The following FAM76B variants were observed in gnomAD, a reference collection of about 807,000 sequenced individuals.
FAM76B encodes the protein protein FAM76B.
In FAM76B, 16 loss-of-function variants were observed where a neutral mutation model predicts 51.8. The ratio of observed to expected loss-of-function variants is 0.31; its 90% CI spans 0.21 to 0.47. The LOEUF is 0.47. Ranked by LOEUF, FAM76B falls within the 20% of genes least tolerant of loss-of-function variation. The pLI is 1.00. For missense variants in FAM76B, 342 were observed against 392.6 expected (o/e 0.87, Z 1.09); for synonymous variants, 166 against 129.5 (o/e 1.28, Z -1.91).
chr11:95,789,124 C>T, intron 1 of FAM76B: 1 of 1,355,278 alleles, frequency 7.4e-7, no homozygotes, highest in East Asian at 2.6e-5. Context: ...CTCACTCAAC[C>T]CCACTCCTGA....
intron 9 of FAM76B, among the ~76,000 whole-genome samples, chr11:95,773,576 T>C (rs1859866110): frequency 6.6e-6 from 1 of 151,186 alleles, no homozygotes; most frequent in South Asian, 2.1e-4. Context: ...ACATAGATCC[T>C]GCTTTAAATC....
rs1308851084 is a variant in FAM76B, at chr11:95,779,011, G to C, written c.693-54C>G. ...AATGAAGTAGAAGGAAAATTAGCAG[G>C]TGTTCAAATTGCATAAATTAGACAA... On this transcript the variant is annotated intron_variant, in intron 7 of 9. Coordinates refer to ENST00000358780, the MANE Select transcript of FAM76B (RefSeq NM_144664.5). 5 of 1,599,104 alleles carry C rather than the reference G, an allele frequency of 3.1e-6. No homozygotes were observed. The Admixed American group carries it at 8.5e-5, about 27-fold the overall frequency.
At chr11:95,773,316 T>C (rs1223100417) in intron 9 of FAM76B, among the ~76,000 whole-genome samples, 1 of 151,016 alleles carries the variant, frequency 6.6e-6, no homozygotes, top group Admixed American at 6.6e-5. Flanking sequence ...CAAAAGTCTT[T>C]ATGGTAAATA....
At chr11:95,774,387 T>A (rs1001764086) in intron 9 of FAM76B, among the ~76,000 whole-genome samples, 2 of 151,436 alleles carry the variant, frequency 1.3e-5, no homozygotes, top group African/African-American at 4.8e-5. Flanking sequence ...GAGGTAGGCC[T>A]AAGATATCTA....
chr11:95,783,240 G>C lies in FAM76B; in HGVS notation c.388C>G (p.Leu130Val), dbSNP rs1860371396. The C allele has an allele frequency of 6.2e-7, 1 of 1,612,822 alleles. No homozygotes were observed. Among genetic ancestry groups the C allele is most frequent in the African/African-American group, 1.3e-5 (1 of 74,852 alleles). The change falls in exon 5 of 10, where the codon CTC becomes GTC. Residue 130 changes from leucine to valine, a missense_variant. Physicochemically the swap from Leu to Val is conservative, Grantham distance 32. This residue lies in a region of FAM76B where 230 missense variants were observed against 257.4 expected (regional missense o/e 0.89). Coordinates refer to ENST00000358780, the MANE Select transcript of FAM76B (RefSeq NM_144664.5). ...ACTCTTTTGTACGATAAAGTACAGA[G>C]CCAGCATAATAACTTTCCATCAACC... ...RKVDGKLLCW[L>V]CTLSYKRVLQ...
At chr11:95,786,528 T>C (rs1194852842) in intron 3 of FAM76B, 4 of 331,078 alleles carry the variant, frequency 1.2e-5, no homozygotes, top group East Asian at 5.1e-5. Flanking sequence ...CATAGTCTGT[T>C]AGATAATACA....
At chr11:95,784,080 G>T (rs1365434282) in intron 4 of FAM76B, among the ~76,000 whole-genome samples, 1 of 152,122 alleles carries the variant, frequency 6.6e-6, no homozygotes. Context: ...AACATGGTAC[G>T]TATATACCAT....
intron 5 of FAM76B, among the ~76,000 whole-genome samples, chr11:95,781,673 T>A (rs1860276929): frequency 6.6e-6 from 1 of 152,134 alleles, no homozygotes; most frequent in Non-Finnish European, 1.5e-5. Flanking sequence ...AGTCATTTTG[T>A]CATATTTTTT....
intron 9 of FAM76B, among the ~76,000 whole-genome samples, chr11:95,775,593 C>G (rs771236091): frequency 5.3e-5 from 8 of 151,310 alleles, no homozygotes; most frequent in Non-Finnish European, 1.0e-4. Context: ...ACCTGCTTTT[C>G]ACCTTAGTTT....
intron 4 of FAM76B, among the ~76,000 whole-genome samples, chr11:95,783,512 GAAGAAA>G (rs1410534952): frequency 2.0e-5 from 3 of 152,132 alleles, no homozygotes; most frequent in Admixed American, 1.3e-4. Context: ...TTTTTAATTT[GAAGAAA>G]AAGAAAATGT....
At chr11:95,783,028 G>A (rs1439465478) in intron 5 of FAM76B, 37 bp downstream of exon 5, 1 of 1,606,258 alleles carries the variant, frequency 6.2e-7, no homozygotes, top group South Asian at 1.1e-5. Context: ...TAAAATGCAA[G>A]GAAGAGTTTT....
intron 9 of FAM76B, 129 bp downstream of exon 9, chr11:95,775,793 T>C: frequency 2.1e-6 from 1 of 480,834 alleles, no homozygotes; most frequent in South Asian, 5.1e-5. Flanking sequence ...GATTATAAAG[T>C]CAAAATCAAA....
intron 9 of FAM76B, among the ~76,000 whole-genome samples, chr11:95,773,926 C>G (rs1859881929): frequency 6.6e-6 from 1 of 151,108 alleles, no homozygotes; most frequent in Non-Finnish European, 1.5e-5. Context: ...AGAGCAAGAT[C>G]CATCTTGTGT....
At chr11:95,774,262 A>G (rs1565284662) in intron 9 of FAM76B, among the ~76,000 whole-genome samples, 2 of 151,408 alleles carry the variant, frequency 1.3e-5, no homozygotes, top group Non-Finnish European at 3.0e-5. Context: ...TAAAATGGGC[A>G]TATCACATAA....
intron 9 of FAM76B, among the ~76,000 whole-genome samples, chr11:95,773,974 A>C (rs1859884772): frequency 6.6e-6 from 1 of 151,340 alleles, no homozygotes; most frequent in Admixed American, 6.6e-5. Flanking sequence ...AGATAAAAAA[A>C]AAATTACCGG....
At chr11:95,787,700 G>A (rs1156714907) in intron 2 of FAM76B, 22 bp from the exon 3 acceptor site, 3 of 1,573,400 alleles carry the variant, frequency 1.9e-6, no homozygotes, top group African/African-American at 2.7e-5. Context: ...ATTGTATATA[G>A]ATCATGTTTA....
intron 1 of FAM76B, chr11:95,788,946 T>C: frequency 7.4e-7 from 1 of 1,349,316 alleles, no homozygotes; most frequent in Non-Finnish European, 9.7e-7. Context: ...CGCTTCGCTT[T>C]CCTGGACAGG....
intron 8 of FAM76B, among the ~76,000 whole-genome samples, chr11:95,776,550 C>A (rs1205832711): frequency 6.6e-6 from 1 of 151,234 alleles, no homozygotes; most frequent in Non-Finnish European, 1.5e-5. Flanking sequence ...TACCACCTAA[C>A]ACTTGAGGTA....
Position 95,769,887 on chromosome 11 carries a change from A to T in FAM76B, c.*1674T>A, listed in dbSNP as rs913766759. 6.6e-6 allele frequency: 1 copy of T among 151,526 alleles called. No homozygotes were observed. Among genetic ancestry groups the T allele is most frequent in the African/African-American group, 2.4e-5 (1 of 41,376 alleles). 9.4% of individuals were successfully genotyped at this position (151,526 alleles called of 1,614,324 possible). A position where few individuals can be genotyped will look rare whatever the true frequency, so the allele number is the denominator to read the frequency against. ...CCTATATTATGCTTTCAAAATGGAC[A>T]AAGAATTATTTGGTATTCACTTTAT... On this transcript the variant is annotated 3_prime_UTR_variant, in exon 10 of 10. Coordinates refer to ENST00000358780, the MANE Select transcript of FAM76B (RefSeq NM_144664.5).
Sources: allele counts gnomAD v4.1 joint callset (sites outside exome capture counted in the v4.1 genomes callset), GRCh38; gene constraint gnomAD v4.1.1; regional missense constraint gnomAD v4.1.1; transcripts MANE v1.5; gene names NCBI Gene and HGNC (gene_info 2026-07-23, HGNC 2026-07-21).